ARHGAP17: variants seen among roughly 807,000 people sequenced by gnomAD.
ARHGAP17 encodes the protein Rho GTPase activating protein 17, also known as rho GTPase-activating protein 17.
ARHGAP17 carries 57 observed loss-of-function variants against 99.5 expected under a neutral mutation model. The observed-to-expected ratio is 0.57, with a 90% CI of 0.46 to 0.71. ARHGAP17 has a LOEUF of 0.71. ARHGAP17 is among the 30% of genes least tolerant of loss of function. The probability of loss-of-function intolerance (pLI) is 0.00; values close to 1 mark genes in which losing one functional copy is unlikely to be tolerated. For synonymous variants in ARHGAP17, 417 were observed against 429.6 expected (o/e 0.97, Z 0.36); for missense variants, 1,000 against 1,122.4 (o/e 0.89, Z 1.56).
In ARHGAP17 at chr16:24,955,559, TGAG is replaced by T. The variant is rs1181636266; in HGVS notation, c.725-832_725-830del. The T allele has an allele frequency of 2.0e-5, 3 of 152,260 alleles. No homozygotes were observed. Among genetic ancestry groups the T allele is most frequent in the African/African-American group, 7.2e-5 (3 of 41,464 alleles). The allele number at this position is 152,260 out of a possible 1,614,324, so 9.4% of individuals were successfully genotyped here. On this transcript the variant is annotated intron_variant, in intron 9 of 19. Transcript: ENST00000289968. This position sits in a 1 kb window ranked among gnomAD's most constrained non-coding sequence, Gnocchi z 4.0. The stretch of plus-strand genomic sequence containing the variant: ...CAAGCTGCAGAGATCTAGTGCTATC[TGAG>T]CAGCTCGCAGAAGCAAAGGAGGGCA...
Position 24,930,877 on chromosome 16 carries a change from T to C in ARHGAP17, c.2422A>G (p.Ser808Gly). Reference sequence around the variant, plus strand: ...GGAGGTTGGGGGGGTGGGGGCACGCTGGGCCGGTTCCTTGGCTTTGGTACT... The same window carrying C: ...GGAGGTTGGGGGGGTGGGGGCACGCCGGGCCGGTTCCTTGGCTTTGGTACT... ...RPVPKPRNRP[S>G]VPPPPQPPGV... Residue 808 changes from serine (S) to glycine (G), a missense_variant, in exon 19 of 20, where the codon AGC becomes GGC. Ser to Gly is a moderately conservative substitution (Grantham distance 56, BLOSUM62 0). Coordinates refer to ENST00000289968, the MANE Select transcript of ARHGAP17 (RefSeq NM_001006634.3). The C allele has an allele frequency of 1.9e-6, 3 of 1,613,652 alleles. No individual in the cohort carries two copies. Among genetic ancestry groups the C allele is most frequent in the Admixed American group, 1.7e-5 (1 of 59,968 alleles).
At chr16:24,960,827 A>T (rs1403691414) in intron 7 of ARHGAP17, among the ~76,000 whole-genome samples, 1 of 151,884 alleles carries the variant, frequency 6.6e-6, no homozygotes, top group African/African-American at 2.4e-5. Flanking sequence ...AAAGAAAAAA[A>T]AAAAGGCAGG....
chr16:24,948,789 A>C (rs575916354), intron 13 of ARHGAP17, among the ~76,000 whole-genome samples: 3 of 151,440 alleles, frequency 2.0e-5, no homozygotes, highest in African/African-American at 7.3e-5. Flanking sequence ...TTCTAGGGGC[A>C]CTTTCTAGAA....
intron 18 of ARHGAP17, among the ~76,000 whole-genome samples, chr16:24,933,378 A>G (rs1368137184): frequency 6.6e-6 from 1 of 152,082 alleles, no homozygotes; most frequent in African/African-American, 2.4e-5. Flanking sequence ...GCACTTTGAG[A>G]GGCCAAAGTG....
At chr16:24,933,400 T>C (rs999548738) in intron 18 of ARHGAP17, among the ~76,000 whole-genome samples, 4 of 151,682 alleles carry the variant, frequency 2.6e-5, no homozygotes, top group Non-Finnish European at 5.9e-5. Context: ...GAGGATCACT[T>C]GAGTCCAGTG....
chr16:24,953,816 C>T (rs957976562), intron 10 of ARHGAP17, among the ~76,000 whole-genome samples: 15 of 152,284 alleles, frequency 9.9e-5, no homozygotes, highest in African/African-American at 3.1e-4. Context: ...CAGACCTTGA[C>T]AAATGTCTCC....
intron 10 of ARHGAP17, among the ~76,000 whole-genome samples, chr16:24,953,297 A>G: frequency 6.6e-6 from 1 of 152,132 alleles, no homozygotes; most frequent in Non-Finnish European, 1.5e-5. Flanking sequence ...AGGCTGGATG[A>G]TTTTTTGTTG....
At chr16:24,937,612 T>C (rs1276751958) in intron 17 of ARHGAP17, among the ~76,000 whole-genome samples, 6 of 152,186 alleles carry the variant, frequency 3.9e-5, no homozygotes, top group Non-Finnish European at 8.8e-5. Context: ...CTAAGAAGTC[T>C]GAAGTCTTAA....
At chr16:24,930,145 C>G (rs1288222917) in intron 19 of ARHGAP17, among the ~76,000 whole-genome samples, 2 of 152,186 alleles carry the variant, frequency 1.3e-5, no homozygotes, top group Admixed American at 6.5e-5. Flanking sequence ...CCTGTACAAT[C>G]ACCACCACTT....
chr16:24,936,056 C>A (rs1020368206), intron 17 of ARHGAP17: 5 of 307,658 alleles, frequency 1.6e-5, no homozygotes, highest in African/African-American at 1.1e-4. Context: ...GCGGAGTTTT[C>A]AGTTCTACTG....
intron 9 of ARHGAP17, 75 bp from the exon 10 acceptor site, chr16:24,954,805 C>G: frequency 7.0e-6 from 11 of 1,575,962 alleles, no homozygotes; most frequent in Non-Finnish European, 9.5e-6. Context: ...CCCAACTACC[C>G]AATGGGCTTT....
intron 1 of ARHGAP17, among the ~76,000 whole-genome samples, chr16:25,004,272 T>C (rs1322252934): frequency 6.6e-6 from 1 of 152,150 alleles, no homozygotes; most frequent in African/African-American, 2.4e-5. Context: ...AAAAAATTTG[T>C]TTAAAAATGA....
At chr16:25,014,956 G>A (rs952537562) in intron 1 of ARHGAP17, among the ~76,000 whole-genome samples, 3 of 152,108 alleles carry the variant, frequency 2.0e-5, no homozygotes, top group Non-Finnish European at 4.4e-5. Flanking sequence ...ACCCCGCGGT[G>A]TGGCGGAGGA....
At position 24,925,084 on chromosome 16, in the gene ARHGAP17, T is replaced by C. The variant is rs117285715; in HGVS notation, c.2516-4824A>G. ...GGAAAGAGGGAAAATGTTAGGGTGA[T>C]TAAGAATGATGGGGCCAGGTGCGGT... On this transcript the variant is annotated intron_variant, in intron 19 of 19. Transcript: ENST00000289968. Among the ~76,000 whole-genome samples, 727 of 151,794 alleles carry C rather than the reference T, an allele frequency of 4.8e-3. 4 individuals are homozygous for C. Among genetic ancestry groups the C allele is most frequent in the Non-Finnish European group, 7.5e-3 (510 of 67,874 alleles).
In ARHGAP17 at chr16:24,939,468, T is replaced by C. The variant is rs571309783; in HGVS notation, c.1620A>G (p.Pro540=). 6.6e-5 allele frequency: 107 copies of C among 1,611,244 alleles called. No individual in the cohort carries two copies. Among genetic ancestry groups the C allele is most frequent in the Non-Finnish European group, 8.7e-5 (103 of 1,179,268 alleles). ...TDGSTVVPAG[P]EPPPQSSRAE... Reference sequence around the variant, plus strand: ...CCCTAGAGCTCTGGGGAGGGGGCTCTGGGCCAGCGGGCACCACGGTGCTGC... The same window carrying C: ...CCCTAGAGCTCTGGGGAGGGGGCTCCGGGCCAGCGGGCACCACGGTGCTGC... Residue 540 remains proline, a synonymous_variant, in exon 17 of 20, where the codon CCA becomes CCG. Transcript: ENST00000289968.
In ARHGAP17 at chr16:24,959,739, T is replaced by C. The variant is rs2051925941; in HGVS notation, c.656A>G (p.Gln219Arg). ...GKFFVTLLEAQADYHRKALAV... is the reference protein window; with the variant it reads ...GKFFVTLLEARADYHRKALAV... Reference sequence around the variant, plus strand: ...TAATGCTTTTCTATGGTAATCTGCTTGGGCTTCTAATAACTGAGAACAGAC... The same window carrying C: ...TAATGCTTTTCTATGGTAATCTGCTCGGGCTTCTAATAACTGAGAACAGAC... The change falls in exon 9 of 20, where the codon CAA (glutamine) becomes CGA (arginine). Residue 219 changes from glutamine (Q) to arginine (R), a missense_variant. Coordinates refer to ENST00000289968, the MANE Select transcript of ARHGAP17 (RefSeq NM_001006634.3). 1.2e-6 allele frequency: 2 copies of C among 1,614,118 alleles called. No homozygotes were observed. Among genetic ancestry groups the C allele is most frequent in the African/African-American group, 2.7e-5 (2 of 75,034 alleles).
intron 9 of ARHGAP17, chr16:24,957,480 A>C (rs2051844120): frequency 6.6e-6 from 1 of 152,238 alleles, no homozygotes; most frequent in Non-Finnish European, 1.5e-5. Context: ...GCAATATATA[A>C]TCCTTCTTGA....
At chr16:24,959,634 C>T (rs757556282) in intron 9 of ARHGAP17, 37 bp downstream of exon 9, 2 of 1,601,488 alleles carry the variant, frequency 1.2e-6, no homozygotes, top group Non-Finnish European at 8.5e-7. Context: ...GTGGCAGAGG[C>T]AAGAAGGAAG....
At chr16:24,984,589 G>A (rs1316039126) in intron 1 of ARHGAP17, among the ~76,000 whole-genome samples, 1 of 151,998 alleles carries the variant, frequency 6.6e-6, no homozygotes, top group Non-Finnish European at 1.5e-5. Context: ...CCGGGAGGCG[G>A]AGTTTGCAGT....
Sources: allele counts gnomAD v4.1 joint callset (sites outside exome capture counted in the v4.1 genomes callset), GRCh38; gene constraint gnomAD v4.1.1; non-coding constraint Gnocchi (gnomAD v3.1); transcripts MANE v1.5; gene names NCBI Gene and HGNC (gene_info 2026-07-23, HGNC 2026-07-21).